The following FAM240B variants were observed in gnomAD, a reference collection of about 807,000 sequenced individuals.
FAM240B encodes the protein protein FAM240B.
intron 1 of FAM240B, among the ~76,000 whole-genome samples, chr9:38,717,084 G>A (rs1821312411): frequency 6.6e-6 from 1 of 152,164 alleles, no homozygotes; most frequent in Non-Finnish European, 1.5e-5. Context: ...GGCACACTCG[G>A]CACCCTCGGG....
intron 1 of FAM240B, among the ~76,000 whole-genome samples, chr9:38,705,806 G>A (rs1011188246): frequency 6.6e-6 from 1 of 152,094 alleles, no homozygotes; most frequent in African/African-American, 2.4e-5. Context: ...AAACAGCTTT[G>A]GGTATTCGAT....
rs1821161551 is a variant in FAM240B at position 38,704,087 on chromosome 9, A to G, written c.-3-85T>C. ...GTGATAGAAAGATGAGCTTGCATGT[A>G]GACACTGCCATTTACACTTGTTTTT... On this transcript the variant is annotated intron_variant, in intron 1 of 2. Coordinates refer to ENST00000637493, the MANE Select transcript of FAM240B (RefSeq NM_001394922.1). 1.5e-5 allele frequency: 6 copies of G among 388,842 alleles called. No individual in the cohort carries two copies. In the South Asian group the frequency reaches 6.8e-4, roughly 44 times the overall value. The allele number at this position is 388,842 out of a possible 1,614,324, so 24.1% of individuals were successfully genotyped here.
intron 1 of FAM240B, among the ~76,000 whole-genome samples, chr9:38,710,142 G>A (rs1049590176): frequency 3.3e-5 from 5 of 152,094 alleles, no homozygotes; most frequent in Admixed American, 1.3e-4. Context: ...GGTAATTTTT[G>A]TATTTTTAGT....
At chr9:38,712,842 A>G (rs570600700) in intron 1 of FAM240B, among the ~76,000 whole-genome samples, 13 of 152,328 alleles carry the variant, frequency 8.5e-5, no homozygotes, top group African/African-American at 2.6e-4. Flanking sequence ...GTCAGTGCTG[A>G]TACTGGGCTG....
chr9:38,707,208 T>C (rs1821200313), intron 1 of FAM240B, among the ~76,000 whole-genome samples: 1 of 152,202 alleles, frequency 6.6e-6, no homozygotes, highest in Admixed American at 6.5e-5. Context: ...CAGGTACTCA[T>C]TGAAATGCTC....
At chr9:38,710,923 G>C (rs1367249095) in intron 1 of FAM240B, among the ~76,000 whole-genome samples, 1 of 152,112 alleles carries the variant, frequency 6.6e-6, no homozygotes, top group East Asian at 1.9e-4. Context: ...GATGGTGATA[G>C]AGCTAAGATT....
chr9:38,702,226 A>G (rs541086628), intron 2 of FAM240B, among the ~76,000 whole-genome samples: 24 of 152,324 alleles, frequency 1.6e-4, no homozygotes, highest in Admixed American at 1.2e-3. Context: ...CTCTTCTAGC[A>G]TGTAGGAAGG....
Position 38,703,854 on chromosome 9 carries a change from T to C in FAM240B, c.143+3A>G, listed in dbSNP as rs1438232797. On this transcript the variant is annotated splice_donor_region_variant and intron_variant, in intron 2 of 2. Transcript: ENST00000637493. ...AGTAATAACAGAGAAACAATTCACATACTTTTTCAGGGCGCTTCTTTCTTG... is the reference window on the plus strand; with the variant it reads ...AGTAATAACAGAGAAACAATTCACACACTTTTTCAGGGCGCTTCTTTCTTG... 1 of 400,524 alleles carries C rather than the reference T, an allele frequency of 2.5e-6. No homozygotes were observed. The highest frequency in any genetic ancestry group is 4.4e-6 in the Non-Finnish European group (1 of 226,114). The allele number at this position is 400,524 out of a possible 1,614,324, so 24.8% of individuals were successfully genotyped here.
At chr9:38,695,039 G>C (rs1266310056) in intron 2 of FAM240B, among the ~76,000 whole-genome samples, 170 bp from the exon 3 acceptor site, 1 of 152,176 alleles carries the variant, frequency 6.6e-6, no homozygotes, top group African/African-American at 2.4e-5. Context: ...TTATGAGTGA[G>C]AACATGTGGT....
At chr9:38,719,988 C>T (rs545833756) in intron 1 of FAM240B, 34 bp downstream of exon 1, 6 of 152,220 alleles carry the variant, frequency 3.9e-5, no homozygotes, top group African/African-American at 1.4e-4. Context: ...CAAGATGTTC[C>T]CACACTTGAC....
intron 2 of FAM240B, among the ~76,000 whole-genome samples, chr9:38,699,871 T>C (rs1821105795): frequency 6.6e-6 from 1 of 152,262 alleles, no homozygotes; most frequent in Non-Finnish European, 1.5e-5. Context: ...CAGATCTCAG[T>C]ACTCCAATCT....
intron 1 of FAM240B, among the ~76,000 whole-genome samples, chr9:38,708,429 A>G (rs1821216073): frequency 1.3e-5 from 2 of 151,942 alleles, no homozygotes; most frequent in Non-Finnish European, 2.9e-5. Flanking sequence ...GCCACAGCCC[A>G]CTCACTAGGG....
chr9:38,708,837 T>G (rs1229772133), intron 1 of FAM240B, among the ~76,000 whole-genome samples: 1 of 152,244 alleles, frequency 6.6e-6, no homozygotes, highest in Non-Finnish European at 1.5e-5. Flanking sequence ...AATGCTTTGC[T>G]TCTTATTGAC....
chr9:38,694,943 G>C (rs1244525662), intron 2 of FAM240B, 74 bp from the exon 3 acceptor site: 2 of 398,178 alleles, frequency 5.0e-6, no homozygotes, highest in African/African-American at 4.1e-5. Flanking sequence ...CCGTGGCTTT[G>C]TTTTTCTTCT....
chr9:38,713,676 TG>T (rs1821281585), intron 1 of FAM240B, among the ~76,000 whole-genome samples: 1 of 152,100 alleles, frequency 6.6e-6, no homozygotes, highest in African/African-American at 2.4e-5. Flanking sequence ...ACTGTGTTCT[TG>T]GGAGGTAGCC....
chr9:38,717,513 C>A (rs2119016719), intron 1 of FAM240B, among the ~76,000 whole-genome samples: 1 of 152,314 alleles, frequency 6.6e-6, no homozygotes, highest in East Asian at 1.9e-4. Flanking sequence ...AGGAGTCTCG[C>A]TCTGTTGCCC....
At chr9:38,705,943 G>A (rs1158746334) in intron 1 of FAM240B, among the ~76,000 whole-genome samples, 2 of 152,168 alleles carry the variant, frequency 1.3e-5, no homozygotes, top group South Asian at 4.1e-4. Flanking sequence ...TGGTGGCAGC[G>A]AGGCAGGTCA....
intron 2 of FAM240B, among the ~76,000 whole-genome samples, chr9:38,702,604 C>T (rs1396887904): frequency 6.6e-6 from 1 of 152,202 alleles, no homozygotes; most frequent in Non-Finnish European, 1.5e-5. Flanking sequence ...TAGGTGCTGG[C>T]CCTGGCATTC....
intron 1 of FAM240B, among the ~76,000 whole-genome samples, chr9:38,719,070 C>T (rs1318858642): frequency 6.6e-6 from 1 of 151,840 alleles, no homozygotes; most frequent in African/African-American, 2.4e-5. Context: ...GCCTCAAGTT[C>T]AAGGGAATAA....
Sources: allele counts gnomAD v4.1 joint callset (sites outside exome capture counted in the v4.1 genomes callset), GRCh38; gene constraint gnomAD v4.1.1; transcripts MANE v1.5; gene names NCBI Gene and HGNC (gene_info 2026-07-23, HGNC 2026-07-21).